Variants in THADA observed in about 807,000 individuals in gnomAD.
THADA encodes tRNA (32-2'-O)-methyltransferase regulator THADA.
THADA carries 213 observed loss-of-function variants against 219.8 expected under a neutral mutation model. The ratio of observed to expected loss-of-function variants is 0.97; its 90% CI spans 0.87 to 1.09. The LOEUF is 1.09. Ranked by LOEUF, THADA falls within the 50% of genes least tolerant of loss-of-function variation. The probability of loss-of-function intolerance (pLI) is 0.00; values close to 1 mark genes in which losing one functional copy is unlikely to be tolerated. For missense variants in THADA, 2,956 were observed against 2,311.3 expected (o/e 1.28, Z -5.72); for synonymous variants, 1,018 against 828.9 (o/e 1.23, Z -3.92).
At chr2:43,277,959 T>C (rs1265881144) in intron 36 of THADA, among the ~76,000 whole-genome samples, 1 of 151,264 alleles carries the variant, frequency 6.6e-6, no homozygotes, top group Non-Finnish European at 1.5e-5. Flanking sequence ...TTCTTTTTTT[T>C]TTTTTTTTTG....
chr2:43,233,217 TCTC>T (rs1667647892), intron 36 of THADA: 2 of 253,644 alleles, frequency 7.9e-6, no homozygotes, highest in Non-Finnish European at 1.6e-5. Context: ...CTGTCCAGTG[TCTC>T]CTCTGCACAT....
chr2:43,345,448 G>C (rs1369512637), intron 29 of THADA, among the ~76,000 whole-genome samples: 1 of 152,192 alleles, frequency 6.6e-6, no homozygotes, highest in African/African-American at 2.4e-5. Context: ...CTGTACAGGA[G>C]AGTGCACACA....
At chr2:43,346,190 G>C (rs529696197) in intron 29 of THADA, among the ~76,000 whole-genome samples, 60 of 152,188 alleles carry the variant, frequency 3.9e-4, no homozygotes, top group African/African-American at 1.4e-3. Context: ...ACAGGGGAAA[G>C]AGAAAGGAAA....
chr2:43,556,490 G>T lies in THADA; in HGVS notation c.2529C>A (p.Tyr843Ter), dbSNP rs376123654. The change falls in exon 17 of 38, where the codon TAC becomes TAA. Residue 843 changes from tyrosine (Y) to a stop codon, truncating the protein, a stop_gained. Transcript: ENST00000405975. LOFTEE classifies it high-confidence loss of function. The part of the protein sequence containing the change: ...ALELSTSTKP[Y>*]DCVTASYLLN... ...GCAGGTAGGAAGCTGTCACACAGTC[G>T]TATGGTTTGGTGCTTGTGCTGAGCT... is the stretch of plus-strand genomic sequence containing the variant. 1.7e-5 allele frequency: 28 copies of T among 1,613,778 alleles called. No homozygotes were observed. In the African/African-American group the frequency reaches 2.8e-4, roughly 16 times the overall value.
At chr2:43,474,002 T>C (rs1685223927) in intron 26 of THADA, among the ~76,000 whole-genome samples, 1 of 152,112 alleles carries the variant, frequency 6.6e-6, no homozygotes, top group East Asian at 1.9e-4. Flanking sequence ...TGCTGAGACA[T>C]CATAGGGGAT....
At chr2:43,565,404 C>A (rs1377829398) in intron 15 of THADA, 1 of 149,338 alleles carries the variant, frequency 6.7e-6, no homozygotes, top group African/African-American at 2.5e-5. Context: ...TGTACCCCAG[C>A]CTGGGCAACA....
At chr2:43,507,775 G>T (rs146361186) in intron 23 of THADA, among the ~76,000 whole-genome samples, 109 of 152,236 alleles carry the variant, frequency 7.2e-4, no homozygotes, top group African/African-American at 2.6e-3. Context: ...TTTCAGGATG[G>T]GGTCTGATTT....
intron 26 of THADA, among the ~76,000 whole-genome samples, chr2:43,450,287 A>G (rs190415034): frequency 3.3e-5 from 5 of 152,340 alleles, no homozygotes; most frequent in African/African-American, 1.2e-4. Context: ...TTATGCACAA[A>G]AATAAAACAA....
intron 16 of THADA, among the ~76,000 whole-genome samples, chr2:43,559,238 G>A (rs1383302174): frequency 6.6e-6 from 1 of 152,170 alleles, no homozygotes; most frequent in East Asian, 1.9e-4. Flanking sequence ...AAGGGCACCT[G>A]AAAAATCATA....
intron 23 of THADA, among the ~76,000 whole-genome samples, chr2:43,507,647 A>T (rs1220864911): frequency 6.6e-6 from 1 of 152,216 alleles, no homozygotes; most frequent in Non-Finnish European, 1.5e-5. Context: ...AGTAAGAAAG[A>T]TAAGGAAAAA....
At chr2:43,297,682 G>A (rs1206040917) in intron 31 of THADA, among the ~76,000 whole-genome samples, 7 of 113,224 alleles carry the variant, frequency 6.2e-5, no homozygotes, top group African/African-American at 2.9e-4. Flanking sequence ...GGGAAGTGAG[G>A]AGCCCCTCAG....
intron 26 of THADA, among the ~76,000 whole-genome samples, chr2:43,470,781 T>C (rs572006446): frequency 1.2e-4 from 19 of 152,324 alleles, no homozygotes; most frequent in African/African-American, 4.1e-4. Flanking sequence ...AGACCTAGCC[T>C]AGACCACAGC....
intron 26 of THADA, among the ~76,000 whole-genome samples, chr2:43,461,906 G>A (rs542296172): frequency 2.6e-5 from 4 of 152,242 alleles, no homozygotes; most frequent in East Asian, 1.9e-4. Context: ...GCAACACAAC[G>A]GTGTTAGTTT....
chr2:43,333,216 A>G (rs1004120176), intron 30 of THADA: 4 of 152,206 alleles, frequency 2.6e-5, no homozygotes, highest in Admixed American at 2.6e-4. Context: ...AAAAACACAA[A>G]CAGGATCTCA....
intron 15 of THADA, 36 bp from the exon 16 acceptor site, chr2:43,560,421 G>C (rs767290040): frequency 1.4e-6 from 2 of 1,416,954 alleles, no homozygotes; most frequent in Non-Finnish European, 1.9e-6. Context: ...ATTTAAAAGT[G>C]AACAAAAAGA....
At chr2:43,268,321 G>A (rs1159358731) in intron 36 of THADA, among the ~76,000 whole-genome samples, 1 of 152,064 alleles carries the variant, frequency 6.6e-6, no homozygotes, top group Non-Finnish European at 1.5e-5. Context: ...CTGGGGCTGT[G>A]TACTCTTTAC....
intron 7 of THADA, among the ~76,000 whole-genome samples, chr2:43,582,318 G>A (rs1377058393): frequency 1.3e-5 from 2 of 151,856 alleles, no homozygotes; most frequent in South Asian, 2.1e-4. Context: ...CCAACATGGC[G>A]AAACCATGTC....
At chr2:43,531,787 C>A (rs895320594) in intron 21 of THADA, among the ~76,000 whole-genome samples, 1 of 152,044 alleles carries the variant, frequency 6.6e-6, no homozygotes, top group Non-Finnish European at 1.5e-5. Context: ...AATGGATGTA[C>A]AAAATAATTT....
At chr2:43,584,218 T>C (rs1700771922) in intron 7 of THADA, among the ~76,000 whole-genome samples, 1 of 152,054 alleles carries the variant, frequency 6.6e-6, no homozygotes, top group Admixed American at 6.6e-5. Context: ...TTCCTTTCTT[T>C]TGGACGCCCT....
Sources: allele counts gnomAD v4.1 joint callset (sites outside exome capture counted in the v4.1 genomes callset), GRCh38; gene constraint gnomAD v4.1.1; transcripts MANE v1.5; gene names NCBI Gene and HGNC (gene_info 2026-07-23, HGNC 2026-07-21).